The following GPR161 variants were observed in gnomAD, a reference collection of about 807,000 sequenced individuals.
GPR161 encodes G-protein coupled receptor RE2.
A neutral mutation model predicts 39.2 loss-of-function variants in GPR161; 25 were observed. The ratio of observed to expected loss-of-function variants is 0.64; its 90% CI spans 0.47 to 0.89. GPR161 has a LOEUF of 0.89. Ranked by LOEUF, GPR161 falls within the 40% of genes least tolerant of loss-of-function variation. The pLI, the probability that GPR161 is intolerant of heterozygous loss-of-function variation, is 0.00. For synonymous variants in GPR161, 286 were observed against 276.6 expected (o/e 1.03, Z -0.34); for missense variants, 547 against 677.8 (o/e 0.81, Z 2.14).
At chr1:168,110,783 G>A (rs1180555154) in intron 1 of GPR161, among the ~76,000 whole-genome samples, 2 of 151,928 alleles carry the variant, frequency 1.3e-5, no homozygotes, top group African/African-American at 4.8e-5. Flanking sequence ...AATTGTCTGG[G>A]TGTGGTGGCG....
chr1:168,128,136 C>T (rs1417974343), intron 1 of GPR161, among the ~76,000 whole-genome samples: 2 of 152,150 alleles, frequency 1.3e-5, no homozygotes, highest in Non-Finnish European at 2.9e-5. Context: ...TCCTTTGGCT[C>T]AAAACCCCTT....
chr1:168,123,905 A>G (rs1698399087), intron 1 of GPR161, among the ~76,000 whole-genome samples: 1 of 152,206 alleles, frequency 6.6e-6, no homozygotes, highest in Non-Finnish European at 1.5e-5. Flanking sequence ...AAGCCACTAC[A>G]CCCAGCCCCA....
intron 3 of GPR161, among the ~76,000 whole-genome samples, chr1:168,091,861 TGAA>T (rs1248874888): frequency 6.6e-6 from 1 of 152,178 alleles, no homozygotes; most frequent in East Asian, 1.9e-4. Context: ...TGGGAGCTCA[TGAA>T]GAAGATCCAC....
chr1:168,093,316 T>C (rs1695238775), intron 3 of GPR161, among the ~76,000 whole-genome samples: 2 of 152,114 alleles, frequency 1.3e-5, no homozygotes, highest in Non-Finnish European at 2.9e-5. Flanking sequence ...TTGGCACCCA[T>C]GGAAAGCCTA....
At chr1:168,086,302 A>G (rs1694485662) in intron 5 of GPR161, among the ~76,000 whole-genome samples, 1 of 152,244 alleles carries the variant, frequency 6.6e-6, no homozygotes, top group East Asian at 1.9e-4. Flanking sequence ...ACGTGACATT[A>G]CAGGTTCAAG....
intron 1 of GPR161, 23 bp downstream of exon 1, chr1:168,136,716 C>A: frequency 9.7e-7 from 1 of 1,033,326 alleles, no homozygotes; most frequent in Non-Finnish European, 1.2e-6. Flanking sequence ...GGCCCGCGCC[C>A]GCGCCCCACG....
At chr1:168,110,283 G>A (rs1697002684) in intron 1 of GPR161, among the ~76,000 whole-genome samples, 1 of 151,650 alleles carries the variant, frequency 6.6e-6, no homozygotes, top group African/African-American at 2.4e-5. Flanking sequence ...GCAGGCAGAT[G>A]GCTTGAGCAC....
intron 4 of GPR161, among the ~76,000 whole-genome samples, chr1:168,090,142 G>A (rs1160401074): frequency 6.6e-6 from 1 of 152,202 alleles, no homozygotes; most frequent in Non-Finnish European, 1.5e-5. Flanking sequence ...GGAAAGTTGA[G>A]GGTTTAGGAG....
chr1:168,134,923 T>C (rs1699253345), intron 1 of GPR161: 1 of 1,535,636 alleles, frequency 6.5e-7, no homozygotes, highest in Non-Finnish European at 8.7e-7. Flanking sequence ...TGCTGACATT[T>C]AGGTCAGTTC....
At chr1:168,119,349 A>G (rs1161103646) in intron 1 of GPR161, among the ~76,000 whole-genome samples, 3 of 149,678 alleles carry the variant, frequency 2.0e-5, no homozygotes, top group African/African-American at 7.4e-5. Context: ...AAATTCTGAC[A>G]TTTGCTGTAA....
chr1:168,095,233 G>T (rs1215727479), intron 3 of GPR161, among the ~76,000 whole-genome samples: 1 of 152,236 alleles, frequency 6.6e-6, no homozygotes. Context: ...AAGAGTAAAG[G>T]ATTGTCAAAG....
In GPR161 at chr1:168,136,918, G is replaced by T; in HGVS notation, c.-224C>A. 1 of 979,392 alleles carries T rather than the reference G, an allele frequency of 1.0e-6. No individual in the cohort carries two copies. The highest frequency in any genetic ancestry group is 4.7e-5 in the South Asian group (1 of 21,168). The allele number at this position is 979,392 out of a possible 1,614,324, so 60.7% of individuals were successfully genotyped here. ...GCCACCAGCACGCGGACCCGGGCGG[G>T]CGCAGGCCAAGTAACTTTGCGGCGC... On this transcript the variant is annotated 5_prime_UTR_variant, in exon 1 of 6. Transcript: ENST00000682931.
rs865913017 is a variant in GPR161, at chr1:168,104,599, C to T, written c.252G>A (p.Val84=). 7 of 1,614,036 alleles carry T rather than the reference C, an allele frequency of 4.3e-6. No individual in the cohort carries two copies. The Middle Eastern group carries it at 1.2e-3, about 266-fold the overall frequency. The change falls in exon 2 of 6, where the codon GTG becomes GTA. Residue 84 remains valine (V), a synonymous_variant. Coordinates refer to ENST00000682931, the MANE Select transcript of GPR161 (RefSeq NM_001375883.1). ...FLLSVLVLPF[V]VTSSIRREWI... ...ATTCCCTGCGGATGGAGCTCGTCAC[C>T]ACAAAAGGCAGCACCAACACGGACA...
At chr1:168,100,954 G>C (rs763596789) in intron 2 of GPR161, among the ~76,000 whole-genome samples, 1 of 152,142 alleles carries the variant, frequency 6.6e-6, no homozygotes, top group Non-Finnish European at 1.5e-5. Flanking sequence ...AGGTCAAATG[G>C]TGTCCCCAGC....
intron 2 of GPR161, among the ~76,000 whole-genome samples, chr1:168,103,612 G>A (rs1051428558): frequency 2.6e-5 from 4 of 152,002 alleles, no homozygotes; most frequent in Admixed American, 6.6e-5. Context: ...AAAAAAGCCC[G>A]GGGACTTGTG....
Position 168,097,057 on chromosome 1 carries a change from G to T in GPR161, c.550C>A (p.Arg184=), listed in dbSNP as rs1306019071. ...CAGAAGGCCGTGTAGCCAGGCTCCC[G>T]GTGCCAAGCAGCCACACACATCCAT... ...FKWMCVAAWH[R]EPGYTAFWQI... is the part of the protein sequence containing the mutation. Residue 184 remains arginine, a synonymous_variant, in exon 3 of 6, where the codon CGG becomes AGG. Transcript: ENST00000682931. 2.9e-5 allele frequency: 47 copies of T among 1,613,874 alleles called. No homozygotes were observed. The highest frequency in any genetic ancestry group is 3.9e-5 in the Non-Finnish European group (46 of 1,179,992).
chr1:168,133,698 C>T (rs1430474034), intron 1 of GPR161, among the ~76,000 whole-genome samples: 1 of 152,138 alleles, frequency 6.6e-6, no homozygotes, highest in African/African-American at 2.4e-5. Flanking sequence ...TAGGCTCAAG[C>T]GATCCTCCCA....
At chr1:168,117,461 C>T (rs1336706852) in intron 1 of GPR161, among the ~76,000 whole-genome samples, 1 of 152,166 alleles carries the variant, frequency 6.6e-6, no homozygotes, top group Non-Finnish European at 1.5e-5. Context: ...AATCCCAGCT[C>T]TGCTACTTAC....
In GPR161 at chr1:168,082,457, T is replaced by G. The variant is rs1694146596; in HGVS notation, c.*3074A>C. 6.6e-6 allele frequency: 1 copy of G among 152,242 alleles called. No homozygotes were observed. The highest frequency in any genetic ancestry group is 2.1e-4 in the South Asian group (1 of 4,826). 9.4% of individuals were successfully genotyped at this position (152,242 alleles called of 1,614,324 possible). ...CACCTAGTGTCTAAGGGCCTGAACT[T>G]CAGTCTTGGTGCCTCTGGCCAGGGA... On this transcript the variant is annotated 3_prime_UTR_variant, in exon 6 of 6. Coordinates refer to ENST00000682931, the MANE Select transcript of GPR161 (RefSeq NM_001375883.1).
Sources: gnomAD v4.1 joint callset for allele counts (sites outside exome capture counted in the v4.1 genomes callset) on GRCh38, gnomAD v4.1.1 for gene constraint, MANE v1.5 for transcripts, NCBI Gene and HGNC (gene_info 2026-07-23, HGNC 2026-07-21) for gene names.